Variants in PCDHA11 observed in about 807,000 individuals in gnomAD.
PCDHA11 encodes protocadherin alpha-11.
Under a neutral mutation model 70.3 loss-of-function variants are expected in PCDHA11, and 61 were observed. That is an observed-to-expected ratio of 0.87 (90% CI 0.71 to 1.07). The LOEUF (loss-of-function observed/expected upper bound fraction) is 1.07, where lower values mean the gene tolerates loss of function less well. PCDHA11 is among the 50% of genes least tolerant of loss of function. PCDHA11 has a pLI of 0.00. For synonymous variants in PCDHA11, 633 were observed against 555.1 expected (o/e 1.14, Z -1.97); for missense variants, 1,324 against 1,237.5 (o/e 1.07, Z -1.05).
At position 140,893,180 on chromosome 5, in the gene PCDHA11, C is replaced by T. The variant is rs1388898676; in HGVS notation, c.2391+21686C>T. Among the ~76,000 whole-genome samples, 3 of 152,208 alleles carry T rather than the reference C, an allele frequency of 2.0e-5. No individual in the cohort carries two copies. In the South Asian group the frequency reaches 6.2e-4, roughly 31 times the overall value. On this transcript the variant is annotated intron_variant, in intron 1 of 3. Coordinates refer to ENST00000398640, the MANE Select transcript of PCDHA11 (RefSeq NM_018902.5). ...TATTGAGGTTGATTCCACATAGTAGCTATTGTGAATAGTGCTGCAGTAAGT... is the reference window on the plus strand; with the variant it reads ...TATTGAGGTTGATTCCACATAGTAGTTATTGTGAATAGTGCTGCAGTAAGT...
chr5:140,899,402 G>T (rs1465071147), intron 1 of PCDHA11, among the ~76,000 whole-genome samples: 2 of 152,004 alleles, frequency 1.3e-5, no homozygotes, highest in South Asian at 2.1e-4. Context: ...TAGCATGAAG[G>T]GTTGTTGAAT....
At chr5:140,964,699 G>A (rs2095849795) in intron 1 of PCDHA11, among the ~76,000 whole-genome samples, 1 of 151,922 alleles carries the variant, frequency 6.6e-6, no homozygotes, top group Non-Finnish European at 1.5e-5. Context: ...GAGAGATTAA[G>A]GCCTCCGAGA....
intron 3 of PCDHA11, among the ~76,000 whole-genome samples, chr5:141,008,053 C>T (rs1554261648): frequency 6.6e-6 from 1 of 152,056 alleles, no homozygotes; most frequent in African/African-American, 2.4e-5. Context: ...AACAGGGGTC[C>T]AGTCCATCTA....
intron 1 of PCDHA11, among the ~76,000 whole-genome samples, chr5:140,895,594 T>C (rs2065067713): frequency 6.6e-6 from 1 of 152,228 alleles, no homozygotes; most frequent in Admixed American, 6.5e-5. Flanking sequence ...GATATATAAT[T>C]TGCAAAGATT....
rs111233751 is a variant in PCDHA11, at chr5:140,887,119, C to T, written c.2391+15625C>T. On this transcript the variant is annotated intron_variant, in intron 1 of 3. Transcript: ENST00000398640. ...TTTATCTCTTTTTTTTTTTTTGAGA[C>T]GGAGTCTCACTCTGTCGCCCAGGCT... 6.0e-3 allele frequency among the ~76,000 whole-genome samples: 904 copies of T among 149,504 alleles called. 4 individuals are homozygous for T. The highest frequency in any genetic ancestry group is 0.014 in the Middle Eastern group (4 of 294).
intron 1 of PCDHA11, among the ~76,000 whole-genome samples, chr5:140,874,511 C>G (rs1376439369): frequency 4.6e-5 from 7 of 152,212 alleles, no homozygotes; most frequent in Admixed American, 3.9e-4. Flanking sequence ...ATTCTCTTGA[C>G]TTTAGTCAAT....
In PCDHA11 at chr5:140,869,685, T is replaced by G; in HGVS notation, c.582T>G (p.Leu194=). The G allele has an allele frequency of 6.2e-7, 1 of 1,613,500 alleles. No homozygotes were observed. The highest frequency in any genetic ancestry group is 8.5e-7 in the Non-Finnish European group (1 of 1,179,888). ...TNGKQIKRLS[L]ILKKSLDREK... ...GTAAGCAGATTAAAAGACTGTCACT[T>G]ATTTTAAAGAAGTCTCTGGATAGAG... The change falls in exon 1 of 4, where the codon CTT becomes CTG. Residue 194 remains leucine, a synonymous_variant. Coordinates refer to ENST00000398640, the MANE Select transcript of PCDHA11 (RefSeq NM_018902.5).
chr5:140,951,196 T>A (rs1438872650), intron 1 of PCDHA11, among the ~76,000 whole-genome samples: 1 of 152,190 alleles, frequency 6.6e-6, no homozygotes, highest in African/African-American at 2.4e-5. Context: ...AATTCCCACA[T>A]CTGTGTCATC....
At chr5:140,936,185 G>A (rs563044758) in intron 1 of PCDHA11, among the ~76,000 whole-genome samples, 10 of 152,060 alleles carry the variant, frequency 6.6e-5, no homozygotes, top group Non-Finnish European at 1.0e-4. Context: ...AAACCACCAC[G>A]CCCAGCCAAA....
chr5:140,928,510 A>T (rs782757628), intron 1 of PCDHA11: 1 of 1,614,166 alleles, frequency 6.2e-7, no homozygotes, highest in Non-Finnish European at 8.5e-7. Context: ...TGCAACAGTG[A>T]CTATAAACTT....
intron 3 of PCDHA11, 94 bp from the exon 4 acceptor site, chr5:141,009,533 G>C: frequency 1.3e-6 from 2 of 1,509,446 alleles, no homozygotes; most frequent in Non-Finnish European, 1.8e-6. Context: ...GGGAGGTTCA[G>C]CCTGCCTATG....
rs1554205708 is a variant in PCDHA11 at position 140,928,289 on chromosome 5, G to A, written c.2392-50660G>A. 3.1e-6 allele frequency: 5 copies of A among 1,614,170 alleles called. No individual in the cohort carries two copies. In the East Asian group the frequency reaches 6.7e-5, roughly 22 times the overall value. ...AATGGCCCTGGGGCCTCTCTAGGCC[G>A]AGTGTTTGCCCAGGACCCCGACCTG... is the stretch of plus-strand genomic sequence containing the variant. On this transcript the variant is annotated intron_variant, in intron 1 of 3. Coordinates refer to ENST00000398640, the MANE Select transcript of PCDHA11 (RefSeq NM_018902.5).
intron 1 of PCDHA11, among the ~76,000 whole-genome samples, chr5:140,902,906 G>T (rs1047423029): frequency 9.2e-5 from 14 of 152,162 alleles, no homozygotes; most frequent in Admixed American, 3.3e-4. Context: ...TTAGTTTATG[G>T]CTGAGTAGTA....
Position 140,868,976 on chromosome 5 carries a change from T to C in PCDHA11, c.-128T>C. The C allele has an allele frequency of 6.7e-7, 1 of 1,481,558 alleles. No homozygotes were observed. The highest frequency in any genetic ancestry group is 9.0e-7 in the Non-Finnish European group (1 of 1,108,414). The allele number at this position is 1,481,558 out of a possible 1,614,324, so 91.8% of individuals were successfully genotyped here. Reference sequence around the variant, plus strand: ...ACTCCCATACAAAGGAACTCCATCATACCGGATGCCACCGTTTAAGGATCC... The same window carrying C: ...ACTCCCATACAAAGGAACTCCATCACACCGGATGCCACCGTTTAAGGATCC... On this transcript the variant is annotated 5_prime_UTR_variant, in exon 1 of 4. Transcript: ENST00000398640.
intron 3 of PCDHA11, among the ~76,000 whole-genome samples, chr5:141,005,573 G>A (rs947306752): frequency 4.0e-5 from 6 of 151,140 alleles, no homozygotes; most frequent in Admixed American, 1.3e-4. Context: ...ATGGTGGCGC[G>A]TGCCTGTAGT....
intron 3 of PCDHA11, among the ~76,000 whole-genome samples, chr5:141,008,308 TA>T (rs1554261716): frequency 6.6e-6 from 1 of 152,214 alleles, no homozygotes; most frequent in East Asian, 1.9e-4. Flanking sequence ...CCCTAAACTG[TA>T]ATTGAACATA....
At position 140,871,031 on chromosome 5, in the gene PCDHA11, G is replaced by A. The variant is rs543880939; in HGVS notation, c.1928G>A (p.Arg643His). ...TRALDEADSPRHRLLVLVKDH... is the reference protein window; with the variant it reads ...TRALDEADSPHHRLLVLVKDH... ...GCCCTGGACGAGGCAGACTCGCCGC[G>A]CCACCGACTTCTAGTACTGGTGAAG... is the stretch of plus-strand genomic sequence containing the variant. Residue 643 changes from arginine (R) to histidine (H), a missense_variant, in exon 1 of 4, where the codon CGC (arginine) becomes CAC (histidine). Coordinates refer to ENST00000398640, the MANE Select transcript of PCDHA11 (RefSeq NM_018902.5). 3.2e-5 allele frequency: 52 copies of A among 1,613,210 alleles called. 1 individual carries two copies. In the South Asian group the frequency reaches 4.7e-4, roughly 15 times the overall value.
chr5:140,884,699 C>A, intron 1 of PCDHA11: 3 of 1,500,334 alleles, frequency 2.0e-6, no homozygotes, highest in Non-Finnish European at 2.7e-6. Context: ...TTAGTAAACA[C>A]TTTAGCCTTC....
rs574140858 is a variant in PCDHA11 at position 140,929,782 on chromosome 5, A to C, written c.2392-49167A>C. On this transcript the variant is annotated intron_variant, in intron 1 of 3. Coordinates refer to ENST00000398640, the MANE Select transcript of PCDHA11 (RefSeq NM_018902.5). The stretch of plus-strand genomic sequence containing the variant: ...GACGATAACCACAAAAGATGTAAAA[A>C]TAAATTACAATGGGGGTTAAAAGAA... The C allele has an allele frequency of 1.8e-5, 3 of 168,346 alleles. No individual in the cohort carries two copies. The Admixed American group carries it at 1.9e-4, about 11-fold the overall frequency. 10.4% of individuals were successfully genotyped at this position (168,346 alleles called of 1,614,324 possible). A position where few individuals can be genotyped will look rare whatever the true frequency, so the allele number is the denominator to read the frequency against.
Sources: gnomAD v4.1 joint callset for allele counts (sites outside exome capture counted in the v4.1 genomes callset) on GRCh38, gnomAD v4.1.1 for gene constraint, MANE v1.5 for transcripts, NCBI Gene and HGNC (gene_info 2026-07-23, HGNC 2026-07-21) for gene names.